The following DGKK variants were observed in gnomAD, a reference collection of about 807,000 sequenced individuals.
DGKK encodes the protein diacylglycerol kinase kappa.
A neutral mutation model predicts 92.2 loss-of-function variants in DGKK; 35 were observed. The observed-to-expected ratio is 0.38, with a 90% CI of 0.29 to 0.50. The LOEUF is 0.50. Ranked by LOEUF, DGKK falls within the 20% of genes least tolerant of loss-of-function variation. The pLI, the probability that DGKK is intolerant of heterozygous loss-of-function variation, is 0.92. For missense variants in DGKK, 910 were observed against 992.2 expected (o/e 0.92, Z 1.11); for synonymous variants, 368 against 360.6 (o/e 1.02, Z -0.23).
chrX:50,416,883 A>G (rs1925448506), intron 4 of DGKK, among the ~76,000 whole-genome samples: 2 of 110,920 alleles, frequency 1.8e-5, no homozygotes, highest in Admixed American at 1.9e-4. Context: ...ATAATCACAA[A>G]GGGTGGAAAT....
intron 8 of DGKK, among the ~76,000 whole-genome samples, chrX:50,394,041 C>T (rs937992816): frequency 8.9e-6 from 1 of 112,082 alleles, no homozygotes; most frequent in South Asian, 3.7e-4. Context: ...AGGGTTATAG[C>T]AGTCTAAATA....
In DGKK at chrX:50,470,556, C is replaced by G; in HGVS notation, c.123G>C (p.Pro41=). Residue 41 remains proline, a synonymous_variant, in exon 1 of 28, where the codon CCG becomes CCC. Transcript: ENST00000611977. ...AAGCCTCGGAGAGCAGCGGCGGAGC[C>G]GGCGGCGGAGCCGGTGGTGGTGGCG... ...PPPPPPPAPP[P]APPLLSEASP... is the part of the protein sequence containing the mutation. The G allele has an allele frequency of 8.3e-7, 1 of 1,204,482 alleles. No individual in the cohort carries two copies. Among genetic ancestry groups the G allele is most frequent in the South Asian group, 1.8e-5 (1 of 56,763 alleles).
chrX:50,417,795 T>C (rs1044038366), intron 4 of DGKK, among the ~76,000 whole-genome samples: 2 of 110,521 alleles, frequency 1.8e-5, no homozygotes, highest in Non-Finnish European at 3.8e-5. Context: ...AAAGTATCCC[T>C]CTTATCAATT....
intron 1 of DGKK, among the ~76,000 whole-genome samples, chrX:50,441,419 G>A (rs1489036702): frequency 9.0e-6 from 1 of 111,543 alleles, no homozygotes; most frequent in Non-Finnish European, 1.9e-5. Flanking sequence ...TTGGATGAGA[G>A]AAGATAGTTC....
rs147392041 is a variant in DGKK, at chrX:50,454,418, C to A, written c.645+15616G>T. On this transcript the variant is annotated intron_variant, in intron 1 of 27. Transcript: ENST00000611977. Reference sequence around the variant, plus strand: ...CCATCATCTCTCACCTTGATTTCTGCAACAGCCCAAGTAACCTTTCTGCAT... The same window carrying A: ...CCATCATCTCTCACCTTGATTTCTGAAACAGCCCAAGTAACCTTTCTGCAT... Among the ~76,000 whole-genome samples the A allele has an allele frequency of 9.6e-3, 1,073 of 111,345 alleles. 13 individuals are homozygous for A. The highest frequency in any genetic ancestry group is 0.032 in the African/African-American group (994 of 30,679).
rs782652918 is a variant in DGKK at position 50,391,570 on chromosome X, A to G, written c.1711T>C (p.Leu571=). ...CCGGTTCCAAGTGGGATGACTGCCA[A>G]CTGACACTGCAAGAACAAAAGGAGA... is the stretch of plus-strand genomic sequence containing the variant. ...DAFGLHEKCQ[L]AVIPLGTGND... is the part of the protein sequence containing the mutation. The change falls in exon 11 of 28, where the codon TTG becomes CTG. Residue 571 remains leucine, a synonymous_variant. Transcript: ENST00000611977. The G allele has an allele frequency of 1.7e-6, 2 of 1,209,691 alleles. No homozygotes were observed. The highest frequency in any genetic ancestry group is 2.2e-5 in the Admixed American group (1 of 45,726).
chrX:50,389,162 T>C (rs1924624276), intron 12 of DGKK, among the ~76,000 whole-genome samples: 1 of 112,241 alleles, frequency 8.9e-6, no homozygotes, highest in Admixed American at 9.4e-5. Context: ...AGATGATAAA[T>C]TGTAGAGCCA....
chrX:50,392,941 G>A (rs782474986), intron 9 of DGKK, among the ~76,000 whole-genome samples: 5 of 112,527 alleles, frequency 4.4e-5, no homozygotes, highest in Non-Finnish European at 7.5e-5. Context: ...GCTTGGACAT[G>A]GGCTTGAAGG....
At chrX:50,410,663 C>A (rs1925281153) in intron 4 of DGKK, among the ~76,000 whole-genome samples, 1 of 111,540 alleles carries the variant, frequency 9.0e-6, no homozygotes, top group African/African-American at 3.3e-5. Context: ...GCTGAGACAA[C>A]CCCCTTGGAC....
chrX:50,390,219 T>C (rs1924650975), intron 12 of DGKK, 109 bp downstream of exon 12: 1 of 679,518 alleles, frequency 1.5e-6, no homozygotes, highest in African/African-American at 2.1e-5. Flanking sequence ...CAACTCTCAA[T>C]GATCTCATCC....
chrX:50,403,287 G>T, intron 6 of DGKK, 104 bp from the exon 7 acceptor site: 1 of 985,616 alleles, frequency 1.0e-6, no homozygotes, highest in Non-Finnish European at 1.4e-6. Context: ...TTAGGTAAAT[G>T]ACCCAAATGA....
rs1402258411 is a variant in DGKK, at chrX:50,404,859, G to T, written c.943-675C>A. ...CTGGGCTAGGGAATATTATAATAAG[G>T]CTTTAACTACCTCCTGGAGGTATAC... On this transcript the variant is annotated intron_variant, in intron 4 of 27. Transcript: ENST00000611977. Among the ~76,000 whole-genome samples, 4 of 111,003 alleles carry T rather than the reference G, an allele frequency of 3.6e-5. No individual in the cohort carries two copies. In the Admixed American group the frequency reaches 3.8e-4, roughly 11 times the overall value.
At chrX:50,466,017 C>CTTTTTTTTTTTTTTTTTTTTTTTT (rs72090197) in intron 1 of DGKK, among the ~76,000 whole-genome samples, 3 of 42,793 alleles carry the variant, frequency 7.0e-5, no homozygotes, top group African/African-American at 9.7e-5. Context: ...TTTCTTTTTT[C>CTTTTTTTTTTTTTTTTTTTTTTTT]TTTTTTTTTT....
chrX:50,403,209 A>G (rs781882621), intron 6 of DGKK, 26 bp from the exon 7 acceptor site: 6 of 1,168,381 alleles, frequency 5.1e-6, no homozygotes, highest in African/African-American at 1.8e-5. Context: ...AAGACACAGG[A>G]GGTAGAAGTT....
intron 18 of DGKK, 123 bp downstream of exon 18, chrX:50,382,373 G>T: frequency 1.9e-6 from 1 of 518,010 alleles, no homozygotes; most frequent in Non-Finnish European, 3.0e-6. Context: ...TGGGGCCAAT[G>T]CATTTTACTT....
intron 1 of DGKK, among the ~76,000 whole-genome samples, chrX:50,458,554 T>C (rs1926668098): frequency 1.8e-5 from 2 of 109,032 alleles, no homozygotes; most frequent in Non-Finnish European, 3.8e-5. Flanking sequence ...GTTTTAGCTT[T>C]TGTAGTTTAA....
rs1255314188 is a variant in DGKK at position 50,366,651 on chromosome X, C to T, written c.*2289G>A. ...AAGATAAAGCTATCTTCTCCCAGGACTTCCTTCTGTAGTCCTAAATTTGCT... is the reference window on the plus strand; with the variant it reads ...AAGATAAAGCTATCTTCTCCCAGGATTTCCTTCTGTAGTCCTAAATTTGCT... On this transcript the variant is annotated 3_prime_UTR_variant, in exon 28 of 28. Transcript: ENST00000611977. 8.9e-6 allele frequency: 1 copy of T among 112,382 alleles called. No individual in the cohort carries two copies. The highest frequency in any genetic ancestry group is 3.2e-5 in the African/African-American group (1 of 30,932). 9.3% of individuals were successfully genotyped at this position (112,382 alleles called of 1,213,427 possible).
At chrX:50,438,227 C>T (rs1283922462) in intron 1 of DGKK, among the ~76,000 whole-genome samples, 1 of 111,049 alleles carries the variant, frequency 9.0e-6, no homozygotes, top group Non-Finnish European at 1.9e-5. Flanking sequence ...CCTCTTGCCC[C>T]TTCCACCCCT....
At chrX:50,463,271 TC>T (rs1365241791) in intron 1 of DGKK, among the ~76,000 whole-genome samples, 1 of 87,377 alleles carries the variant, frequency 1.1e-5, no homozygotes, top group Non-Finnish European at 2.2e-5. Context: ...TTCACATTTC[TC>T]CCCCCATCCT....
Sources: gnomAD v4.1 joint callset for allele counts (sites outside exome capture counted in the v4.1 genomes callset) on GRCh38, gnomAD v4.1.1 for gene constraint, MANE v1.5 for transcripts, NCBI Gene and HGNC (gene_info 2026-07-23, HGNC 2026-07-21) for gene names.